NDUFAF2: variants seen among roughly 807,000 people sequenced by gnomAD.
NDUFAF2 encodes the protein NADH:ubiquinone oxidoreductase complex assembly factor 2.
Under a neutral mutation model 22.8 loss-of-function variants are expected in NDUFAF2, and 13 were observed. That is an observed-to-expected ratio of 0.57 (90% CI 0.37 to 0.91). NDUFAF2 has a LOEUF of 0.91. NDUFAF2 is among the 40% of genes least tolerant of loss of function. The pLI is 0.01. For missense variants in NDUFAF2, 162 were observed against 195.2 expected (o/e 0.83, Z 1.01); for synonymous variants, 53 against 64.2 (o/e 0.83, Z 0.84).
chr5:61,017,596 A>T (rs1168835235), intron 1 of NDUFAF2, among the ~76,000 whole-genome samples: 4 of 152,154 alleles, frequency 2.6e-5, no homozygotes, highest in Admixed American at 2.6e-4. Context: ...GTTAAATATA[A>T]ACATTAGTAA....
chr5:61,057,576 G>A (rs528326900), intron 1 of NDUFAF2, among the ~76,000 whole-genome samples: 49 of 152,300 alleles, frequency 3.2e-4, no homozygotes, highest in Non-Finnish European at 6.0e-4. Flanking sequence ...TCCTAGGAGT[G>A]TGAGGAGGTA....
intron 2 of NDUFAF2, among the ~76,000 whole-genome samples, chr5:61,080,292 A>G (rs1235775235): frequency 6.6e-6 from 1 of 152,222 alleles, no homozygotes; most frequent in Non-Finnish European, 1.5e-5. Flanking sequence ...ATTTTCTTTC[A>G]AATAAGTCCT....
intron 3 of NDUFAF2, among the ~76,000 whole-genome samples, chr5:61,126,113 T>A (rs1381018396): frequency 6.6e-6 from 1 of 152,084 alleles, no homozygotes; most frequent in East Asian, 1.9e-4. Flanking sequence ...TTTAAAAAAA[T>A]ATGTTTTTCT....
intron 1 of NDUFAF2, among the ~76,000 whole-genome samples, chr5:60,982,877 T>C (rs1481790567): frequency 6.6e-6 from 1 of 152,068 alleles, no homozygotes; most frequent in Non-Finnish European, 1.5e-5. Flanking sequence ...CATGTGTCTT[T>C]AGAGAAGCAT....
At chr5:61,077,947 T>C (rs1200375722) in intron 2 of NDUFAF2, among the ~76,000 whole-genome samples, 1 of 152,174 alleles carries the variant, frequency 6.6e-6, no homozygotes, top group African/African-American at 2.4e-5. Context: ...GAACCCAAAT[T>C]ATCTGCTTCC....
rs182839236 is a variant in NDUFAF2 at position 60,995,431 on chromosome 5, T to C, written c.127+50049T>C. On this transcript the variant is annotated intron_variant, in intron 1 of 3. Transcript: ENST00000296597. ...TAACGCTGTGGTTCTTGCAGACTCA[T>C]AGAGGTACTGCCTTGATGGTCTTGG... Among the ~76,000 whole-genome samples, 106 of 152,338 alleles carry C rather than the reference T, an allele frequency of 7.0e-4. 3 individuals carry two copies. The East Asian group carries it at 0.017, about 25-fold the overall frequency.
At chr5:61,037,279 A>C (rs1751811842) in intron 1 of NDUFAF2, among the ~76,000 whole-genome samples, 1 of 152,230 alleles carries the variant, frequency 6.6e-6, no homozygotes. Flanking sequence ...TTTGTAGAGA[A>C]AACAAAACTT....
chr5:61,029,615 A>G (rs1332636495), intron 1 of NDUFAF2, among the ~76,000 whole-genome samples: 1 of 152,104 alleles, frequency 6.6e-6, no homozygotes, highest in East Asian at 1.9e-4. Flanking sequence ...TTGAAGTACT[A>G]TTGTTGACAT....
chr5:61,069,591 G>A (rs141311011), intron 1 of NDUFAF2, among the ~76,000 whole-genome samples: 1,777 of 152,152 alleles, frequency 0.012, 18 homozygotes, highest in South Asian at 0.039. Context: ...TCTAAAGTAT[G>A]GCAAAAATTG....
chr5:61,016,541 T>G (rs1489271966), intron 1 of NDUFAF2, among the ~76,000 whole-genome samples: 1 of 152,154 alleles, frequency 6.6e-6, no homozygotes, highest in Non-Finnish European at 1.5e-5. Flanking sequence ...ATTTGAAGCT[T>G]TCTTCTTTTT....
chr5:60,982,967 A>G (rs1287290619), intron 1 of NDUFAF2, among the ~76,000 whole-genome samples: 1 of 151,940 alleles, frequency 6.6e-6, no homozygotes, highest in Non-Finnish European at 1.5e-5. Context: ...TTCCTGAGGA[A>G]TCGCCACACT....
chr5:61,054,675 T>G (rs987744551), intron 1 of NDUFAF2, among the ~76,000 whole-genome samples: 7 of 152,352 alleles, frequency 4.6e-5, no homozygotes, highest in African/African-American at 1.7e-4. Context: ...ACTTGGGATA[T>G]CTTACATGTT....
intron 2 of NDUFAF2, among the ~76,000 whole-genome samples, chr5:61,097,564 G>A (rs917059833): frequency 1.3e-5 from 2 of 152,232 alleles, no homozygotes; most frequent in African/African-American, 4.8e-5. Context: ...GGTCACAAGA[G>A]ATAGTGGCTG....
intron 3 of NDUFAF2, among the ~76,000 whole-genome samples, chr5:61,135,052 G>A (rs1001778734): frequency 9.3e-5 from 14 of 150,262 alleles, no homozygotes; most frequent in Admixed American, 2.6e-4. Flanking sequence ...AGGAACCAAA[G>A]CTTATAGCAT....
intron 3 of NDUFAF2, among the ~76,000 whole-genome samples, chr5:61,131,816 G>A (rs562711802): frequency 2.0e-5 from 3 of 152,072 alleles, no homozygotes; most frequent in Non-Finnish European, 2.9e-5. Context: ...TATGCAGGGG[G>A]AAGTCTATAA....
At chr5:61,083,050 CTT>C (rs1160480049) in intron 2 of NDUFAF2, among the ~76,000 whole-genome samples, 1 of 151,964 alleles carries the variant, frequency 6.6e-6, no homozygotes, top group Non-Finnish European at 1.5e-5. Flanking sequence ...TATTTTTTGA[CTT>C]TTAATAATAG....
chr5:61,025,556 A>C (rs986997047), intron 1 of NDUFAF2, among the ~76,000 whole-genome samples: 7 of 152,040 alleles, frequency 4.6e-5, no homozygotes, highest in African/African-American at 1.7e-4. Context: ...TTTAGTTGAA[A>C]ATGATTCTTT....
intron 1 of NDUFAF2, among the ~76,000 whole-genome samples, chr5:60,954,469 G>T (rs192609714): frequency 5.8e-4 from 88 of 152,096 alleles, no homozygotes; most frequent in African/African-American, 2.0e-3. Flanking sequence ...TGAGTTTTTC[G>T]TCTTTCTTCC....
At chr5:61,038,368 A>G (rs1301716604) in intron 1 of NDUFAF2, among the ~76,000 whole-genome samples, 1 of 152,194 alleles carries the variant, frequency 6.6e-6, no homozygotes, top group Non-Finnish European at 1.5e-5. Context: ...ATTGATTGTG[A>G]TTCAGAGACT....
Sources: allele counts gnomAD v4.1 joint callset (sites outside exome capture counted in the v4.1 genomes callset), GRCh38; gene constraint gnomAD v4.1.1; transcripts MANE v1.5; gene names NCBI Gene and HGNC (gene_info 2026-07-23, HGNC 2026-07-21).